Variants in DCAF1 observed in about 807,000 individuals in gnomAD.
DCAF1 encodes the protein DDB1 and CUL4 associated factor 1.
A neutral mutation model predicts 128.0 loss-of-function variants in DCAF1; 15 were observed. The ratio of observed to expected loss-of-function variants is 0.12; its 90% CI spans 0.08 to 0.18. The LOEUF (loss-of-function observed/expected upper bound fraction) is 0.18, where lower values mean the gene tolerates loss of function less well. DCAF1 is among the 10% of genes least tolerant of loss of function. The pLI is 1.00. For missense variants in DCAF1, 988 were observed against 1,649.5 expected (o/e 0.60, Z 6.95); for synonymous variants, 610 against 603.0 (o/e 1.01, Z -0.17).
At chr3:51,415,162 T>C (rs1452529373) in intron 18 of DCAF1, among the ~76,000 whole-genome samples, 1 of 152,128 alleles carries the variant, frequency 6.6e-6, no homozygotes, top group Non-Finnish European at 1.5e-5. Flanking sequence ...ACAACTCTTC[T>C]CTAGTCCCCT....
At chr3:51,487,845 A>G (rs1236900283) in intron 2 of DCAF1, among the ~76,000 whole-genome samples, 2 of 149,632 alleles carry the variant, frequency 1.3e-5, no homozygotes, top group African/African-American at 2.5e-5. Context: ...CCAGCCTACC[A>G]AACTATTTAT....
intron 6 of DCAF1, among the ~76,000 whole-genome samples, chr3:51,446,838 G>T (rs1436493452): frequency 6.6e-6 from 1 of 150,844 alleles, no homozygotes; most frequent in Non-Finnish European, 1.5e-5. Flanking sequence ...GCAGGTGCCT[G>T]TAATCCCAGC....
intron 7 of DCAF1, among the ~76,000 whole-genome samples, chr3:51,442,982 G>A: frequency 6.6e-6 from 1 of 152,084 alleles, no homozygotes; most frequent in East Asian, 1.9e-4. Context: ...TAATACTTAG[G>A]TGATGGGTTG....
intron 2 of DCAF1, among the ~76,000 whole-genome samples, chr3:51,486,491 G>A (rs782280973): frequency 4.6e-4 from 70 of 151,812 alleles, no homozygotes; most frequent in Non-Finnish European, 7.9e-4. Context: ...ACCACACCCC[G>A]CCATATTTTC....
At chr3:51,445,027 T>G (rs1701723391) in intron 6 of DCAF1, among the ~76,000 whole-genome samples, 1 of 152,150 alleles carries the variant, frequency 6.6e-6, no homozygotes, top group South Asian at 2.1e-4. Flanking sequence ...CATATAAACA[T>G]GCGTGGTCCA....
intron 2 of DCAF1, among the ~76,000 whole-genome samples, chr3:51,487,262 G>A (rs531629252): frequency 6.6e-6 from 1 of 152,272 alleles, no homozygotes; most frequent in African/African-American, 2.4e-5. Flanking sequence ...GAGCCACTGT[G>A]CCCAGCCAAA....
chr3:51,460,712 T>C (rs1325075778), intron 6 of DCAF1, among the ~76,000 whole-genome samples: 4 of 151,644 alleles, frequency 2.6e-5, no homozygotes, highest in Non-Finnish European at 4.4e-5. Flanking sequence ...CCAAAACAGA[T>C]ATATAGACCA....
chr3:51,481,891 G>C (rs1235497157), intron 3 of DCAF1, among the ~76,000 whole-genome samples: 1 of 152,138 alleles, frequency 6.6e-6, no homozygotes, highest in Admixed American at 6.6e-5. Flanking sequence ...TCAGGAGGCT[G>C]AGGCAGGGAG....
intron 17 of DCAF1, 139 bp from the exon 18 acceptor site, chr3:51,417,010 C>A: frequency 3.0e-6 from 4 of 1,343,856 alleles, no homozygotes; most frequent in Non-Finnish European, 4.0e-6. Flanking sequence ...AGGAAACAAT[C>A]ATACACTTAG....
At chr3:51,418,018 C>G in intron 17 of DCAF1, 98 bp downstream of exon 17, 1 of 1,453,730 alleles carries the variant, frequency 6.9e-7, no homozygotes, top group South Asian at 1.4e-5. Context: ...CCGACAGCAT[C>G]CTCTTTCCCC....
At chr3:51,461,287 T>G (rs1202287011) in intron 6 of DCAF1, among the ~76,000 whole-genome samples, 3 of 151,878 alleles carry the variant, frequency 2.0e-5, no homozygotes, top group African/African-American at 7.2e-5. Flanking sequence ...AAGACATTTA[T>G]GCAGCCAAAA....
chr3:51,445,846 T>C (rs1701798093), intron 6 of DCAF1, among the ~76,000 whole-genome samples: 1 of 152,190 alleles, frequency 6.6e-6, no homozygotes, highest in South Asian at 2.1e-4. Flanking sequence ...GTCTGATGGG[T>C]GTAAAAACAG....
intron 3 of DCAF1, among the ~76,000 whole-genome samples, chr3:51,476,174 CTT>C (rs1353494442): frequency 6.6e-6 from 1 of 151,894 alleles, no homozygotes; most frequent in South Asian, 2.1e-4. Context: ...AGGTGGGTCA[CTT>C]GAGGTCAGGA....
At chr3:51,487,584 T>C (rs576089080) in intron 2 of DCAF1, among the ~76,000 whole-genome samples, 2 of 152,326 alleles carry the variant, frequency 1.3e-5, no homozygotes, top group African/African-American at 4.8e-5. Context: ...GTTTTTGTTT[T>C]ACATGACCTT....
At chr3:51,454,504 G>A (rs926211948) in intron 6 of DCAF1, among the ~76,000 whole-genome samples, 4 of 152,124 alleles carry the variant, frequency 2.6e-5, no homozygotes. Context: ...TGGGACTACA[G>A]TCACACACCA....
chr3:51,444,360 TAA>T (rs376066730), intron 6 of DCAF1, among the ~76,000 whole-genome samples: 12 of 137,104 alleles, frequency 8.8e-5, no homozygotes, highest in African/African-American at 8.0e-5. Flanking sequence ...ACCTTCTTTT[TAA>T]AAAAAAAAAA....
downstream of DCAF1, chr3:51,396,128 G>A (rs1553622867): frequency 4.9e-6 from 2 of 405,302 alleles, no homozygotes; most frequent in Non-Finnish European, 9.0e-6. Context: ...CTTCTTCTCT[G>A]GGCTACCTAT....
intron 6 of DCAF1, among the ~76,000 whole-genome samples, chr3:51,453,443 C>CAT (rs1394334353): frequency 2.6e-5 from 4 of 151,370 alleles, no homozygotes; most frequent in African/African-American, 9.7e-5. Flanking sequence ...GCCTGGGCAA[C>CAT]ATAGGGAGAC....
intron 17 of DCAF1, among the ~76,000 whole-genome samples, chr3:51,417,643 C>T (rs552626421): frequency 6.6e-6 from 1 of 152,000 alleles, no homozygotes; most frequent in South Asian, 2.1e-4. Context: ...CGGTGTGAAC[C>T]CGGGAGGCGG....
Sources: gnomAD v4.1 joint callset for allele counts (sites outside exome capture counted in the v4.1 genomes callset) on GRCh38, gnomAD v4.1.1 for gene constraint, MANE v1.5 for transcripts, NCBI Gene and HGNC (gene_info 2026-07-23, HGNC 2026-07-21) for gene names.